Variants in SUMF1 observed in about 807,000 individuals in gnomAD.
SUMF1 encodes the protein sulfatase modifying factor 1.
SUMF1 carries 48 observed loss-of-function variants against 47.6 expected under a neutral mutation model. The ratio of observed to expected loss-of-function variants is 1.01; its 90% confidence interval spans 0.80 to 1.28. SUMF1 has a LOEUF of 1.28. Ranked by LOEUF, SUMF1 falls within the 50% of genes most tolerant of loss-of-function variation. The probability of loss-of-function intolerance (pLI) is 0.00; values close to 1 mark genes in which losing one functional copy is unlikely to be tolerated. For synonymous variants in SUMF1, 230 were observed against 192.1 expected, an observed-to-expected ratio of 1.20 and a Z score of -1.63; for missense variants, 571 against 485.4, an observed-to-expected ratio of 1.18 and a Z score of -1.66.
intron 8 of SUMF1, among the ~76,000 whole-genome samples, chr3:4,187,296 G>A (rs1257290879): frequency 2.0e-5 from 3 of 152,188 alleles, no homozygotes; most frequent in African/African-American, 4.8e-5. Flanking sequence ...TTGAGCACAG[G>A]AGCTTGAGGT....
chr3:4,367,514 G>A (rs546057752), intron 8 of SUMF1, among the ~76,000 whole-genome samples: 4,424 of 151,674 alleles, frequency 0.029, 202 homozygotes, highest in African/African-American at 0.1. Flanking sequence ...CTAAAAAAGA[G>A]CCCGCATCAC....
chr3:4,335,606 G>A (rs2125133158), intron 8 of SUMF1, among the ~76,000 whole-genome samples: 1 of 152,220 alleles, frequency 6.6e-6, no homozygotes, highest in Middle Eastern at 3.4e-3. Flanking sequence ...GAAGGGAGAA[G>A]CTCCCAGACC....
rs1435083804 is a variant in SUMF1 at position 4,417,128 on chromosome 3, A to C, written c.840T>G (p.Pro280=). Residue 280 remains proline (P), a splice_region_variant and synonymous_variant, in exon 6 of 9, where the codon CCT becomes CCG. Coordinates refer to ENST00000272902, the MANE Select transcript of SUMF1 (RefSeq NM_182760.4). ...TGEDGFQGTA[P]VDAFPPNGYG... ...CTCCTGCAGAGGTCTCATTACTCAC[A>C]GGCGCAGTTCCTTGGAAGCCATCCT... The C allele has an allele frequency of 2.5e-6, 4 of 1,613,762 alleles. No homozygotes were observed. In the Admixed American group the frequency reaches 5.0e-5, roughly 20 times the overall value.
chr3:4,133,025 AG>A (rs1390903538), intron 8 of SUMF1, among the ~76,000 whole-genome samples: 2 of 152,164 alleles, frequency 1.3e-5, no homozygotes, highest in Admixed American at 1.3e-4. Flanking sequence ...GTGAAGGCAA[AG>A]GGAATACAGA....
At chr3:4,163,904 A>G (rs1033762077) in intron 8 of SUMF1, among the ~76,000 whole-genome samples, 7 of 152,122 alleles carry the variant, frequency 4.6e-5, no homozygotes, top group African/African-American at 1.2e-4. Flanking sequence ...CCATTTCTAC[A>G]GCCCTGCCCT....
intron 8 of SUMF1, among the ~76,000 whole-genome samples, chr3:4,246,538 A>G (rs976343415): frequency 3.9e-5 from 6 of 152,022 alleles, no homozygotes; most frequent in Non-Finnish European, 7.4e-5. Context: ...AGCAGCTGGG[A>G]CTACAGGCGC....
chr3:4,427,156 AG>A lies in SUMF1; in HGVS notation c.520-7011del, dbSNP rs1452141563. ...AATAAAATCAGCACAGGAAAAAGAA[AG>A]CTCTGTATAATTATGCATACTCAAG... On this transcript the variant is annotated intron_variant, in intron 3 of 8. Transcript: ENST00000272902. 2.6e-5 allele frequency among the ~76,000 whole-genome samples: 4 copies of A among 152,372 alleles called. No homozygotes were observed. In the East Asian group the frequency reaches 7.7e-4, roughly 29 times the overall value.
chr3:4,236,394 G>C (rs994735264), intron 8 of SUMF1, among the ~76,000 whole-genome samples: 1 of 152,008 alleles, frequency 6.6e-6, no homozygotes, highest in Non-Finnish European at 1.5e-5. Flanking sequence ...AATGAGAAAT[G>C]GTCAAAGATA....
intron 8 of SUMF1, among the ~76,000 whole-genome samples, chr3:4,182,473 A>G (rs1695116661): frequency 6.6e-6 from 1 of 151,500 alleles, no homozygotes. Flanking sequence ...TGCCTTAAGG[A>G]AAAAAGAAAC....
intron 8 of SUMF1, among the ~76,000 whole-genome samples, chr3:4,107,802 A>G (rs546817029): frequency 6.6e-6 from 1 of 152,272 alleles, no homozygotes; most frequent in East Asian, 1.9e-4. Flanking sequence ...TAAAATAAAT[A>G]AATGAATTAA....
chr3:4,197,854 A>T (rs1185388199), intron 8 of SUMF1, among the ~76,000 whole-genome samples: 1 of 152,086 alleles, frequency 6.6e-6, no homozygotes, highest in Non-Finnish European at 1.5e-5. Context: ...CGCTGCTTCA[A>T]CTCCAACTGT....
intron 8 of SUMF1, among the ~76,000 whole-genome samples, chr3:4,200,962 T>C (rs1443555486): frequency 6.6e-6 from 1 of 152,016 alleles, no homozygotes; most frequent in Non-Finnish European, 1.5e-5. Flanking sequence ...TTGAAAACTA[T>C]ATAGCATAAA....
At chr3:4,431,742 G>A (rs1702239113) in intron 3 of SUMF1, among the ~76,000 whole-genome samples, 1 of 152,212 alleles carries the variant, frequency 6.6e-6, no homozygotes, top group African/African-American at 2.4e-5. Context: ...TGAAGTCACA[G>A]ACCAAGGTGG....
rs114118305 is a variant in SUMF1 at position 4,050,033 on chromosome 3, C to T, written c.1191+18536G>A. ...GATGGCCCTTCTCTTCTCTCTCCCA[C>T]GCCATTCTGCCACTTGTCTACTCTT... On this transcript the variant is annotated intron_variant and NMD_transcript_variant, in intron 9 of 12. Transcript: ENST00000448413. Among the ~76,000 whole-genome samples, 380 of 152,094 alleles carry T rather than the reference C, an allele frequency of 2.5e-3. 2 individuals carry two copies. Among genetic ancestry groups the T allele is most frequent in the African/African-American group, 8.7e-3 (360 of 41,522 alleles).
intron 8 of SUMF1, among the ~76,000 whole-genome samples, chr3:4,194,144 A>G (rs1695380237): frequency 6.6e-6 from 1 of 152,138 alleles, no homozygotes. Context: ...ATAGATACTG[A>G]GCACTTGAAA....
chr3:4,122,814 G>C (rs571206501), intron 8 of SUMF1, among the ~76,000 whole-genome samples: 18 of 152,156 alleles, frequency 1.2e-4, no homozygotes, highest in African/African-American at 4.1e-4. Context: ...GAGTGTATTG[G>C]AACTGTTGCC....
intron 8 of SUMF1, among the ~76,000 whole-genome samples, chr3:4,337,601 C>G (rs1699181923): frequency 6.6e-6 from 1 of 152,162 alleles, no homozygotes; most frequent in African/African-American, 2.4e-5. Context: ...ACACTCTACC[C>G]TCCCTCCATC....
At chr3:4,247,147 T>C (rs1340043537) in intron 8 of SUMF1, among the ~76,000 whole-genome samples, 1 of 152,212 alleles carries the variant, frequency 6.6e-6, no homozygotes, top group Non-Finnish European at 1.5e-5. Flanking sequence ...CACTGCCCCA[T>C]TGCCCAGATG....
intron 8 of SUMF1, among the ~76,000 whole-genome samples, chr3:4,091,927 T>C (rs927472824): frequency 2.0e-5 from 3 of 150,612 alleles, no homozygotes; most frequent in African/African-American, 7.3e-5. Context: ...CATTAAGTAA[T>C]ACTTGGACCC....
Sources: gnomAD v4.1 joint callset for allele counts (sites outside exome capture counted in the v4.1 genomes callset) on GRCh38, gnomAD v4.1.1 for gene constraint, MANE v1.5 for transcripts, NCBI Gene and HGNC (gene_info 2026-07-23, HGNC 2026-07-21) for gene names.